Variants in PRKG2 observed in about 807,000 individuals in gnomAD.
PRKG2 encodes the protein cGMP-dependent protein kinase 2.
PRKG2 carries 33 observed loss-of-function variants against 97.2 expected under a neutral mutation model. The ratio of observed to expected loss-of-function variants is 0.34; its 90% confidence interval spans 0.26 to 0.45. The LOEUF (loss-of-function observed/expected upper bound fraction) is 0.45. Among genes scored for constraint, PRKG2 ranks in the 20% least tolerant of loss-of-function variants. The probability of loss-of-function intolerance (pLI) is 1.00; values close to 1 mark genes in which losing one functional copy is unlikely to be tolerated. For missense variants in PRKG2, 638 were observed against 900.0 expected (o/e 0.71, Z 3.73); for synonymous variants, 330 against 321.8 (o/e 1.03, Z -0.27).
intron 15 of PRKG2, among the ~76,000 whole-genome samples, chr4:81,109,583 C>T (rs1030321700): frequency 9.1e-6 from 1 of 110,492 alleles, no homozygotes; most frequent in Non-Finnish European, 1.8e-5. Flanking sequence ...GGACAGGTAG[C>T]TCTCTCACCT....
intron 6 of PRKG2, chr4:81,164,901 A>T (rs937645016): frequency 6.6e-6 from 1 of 152,170 alleles, no homozygotes; most frequent in Non-Finnish European, 1.5e-5. Flanking sequence ...GTAGTTCAGG[A>T]GGATGTCACA....
At chr4:81,155,047 G>T (rs919195198) in intron 6 of PRKG2, among the ~76,000 whole-genome samples, 8 of 150,614 alleles carry the variant, frequency 5.3e-5, no homozygotes, top group Non-Finnish European at 1.0e-4. Context: ...GCGTAGTGGC[G>T]GGCGCCTGTA....
intron 2 of PRKG2, among the ~76,000 whole-genome samples, chr4:81,191,371 G>A (rs1329312443): frequency 6.6e-6 from 1 of 152,078 alleles, no homozygotes; most frequent in Non-Finnish European, 1.5e-5. Context: ...CTCATAAGTG[G>A]GAGATGAACA....
chr4:81,089,528 A>G lies in PRKG2; in HGVS notation c.*180T>C, dbSNP rs1741341169. The G allele has an allele frequency of 2.1e-6, 1 of 484,624 alleles. No individual in the cohort carries two copies. Among genetic ancestry groups the G allele is most frequent in the Non-Finnish European group, 3.6e-6 (1 of 276,650 alleles). The allele number at this position is 484,624 out of a possible 1,614,324, so 30.0% of individuals were successfully genotyped here. On this transcript the variant is annotated 3_prime_UTR_variant, in exon 19 of 19. Coordinates refer to ENST00000264399, the MANE Select transcript of PRKG2 (RefSeq NM_006259.3). ...CATCAATAATTCACAGCATCTAAAT[A>G]AGACACTATAACTCAGAACCATATC...
At chr4:81,172,597 T>A (rs1200048141) in intron 3 of PRKG2, among the ~76,000 whole-genome samples, 2 of 152,174 alleles carry the variant, frequency 1.3e-5, no homozygotes, top group Non-Finnish European at 2.9e-5. Context: ...ATTTTTCTTT[T>A]TTTGCCTTGG....
intron 6 of PRKG2, among the ~76,000 whole-genome samples, chr4:81,164,475 G>A (rs1078980): frequency 0.39 from 59,168 of 151,974 alleles, 17,622 homozygotes; most frequent in African/African-American, 0.82. Flanking sequence ...TGGTTTATGC[G>A]AGTGTTGGTA....
chr4:81,130,213 T>C (rs1746031858), intron 14 of PRKG2, among the ~76,000 whole-genome samples: 3 of 152,220 alleles, frequency 2.0e-5, no homozygotes, highest in Admixed American at 2.0e-4. Context: ...ATGTTGATGC[T>C]ATTCCTTTCT....
chr4:81,151,552 G>A (rs900040573), intron 8 of PRKG2, among the ~76,000 whole-genome samples: 32 of 151,842 alleles, frequency 2.1e-4, no homozygotes, highest in African/African-American at 7.7e-4. Flanking sequence ...AAATACTTTT[G>A]ACCTGATGAT....
At chr4:81,215,993 C>T (rs1441692609), upstream of PRKG2, among the ~76,000 whole-genome samples, 1 of 151,926 alleles carries the variant, frequency 6.6e-6, no homozygotes, top group Non-Finnish European at 1.5e-5. Context: ...GGCTTTTTCC[C>T]TTTCCTTCTG....
chr4:81,156,020 A>G (rs1749056478), intron 6 of PRKG2, among the ~76,000 whole-genome samples: 1 of 152,188 alleles, frequency 6.6e-6, no homozygotes, highest in African/African-American at 2.4e-5. Context: ...AACTGTATCA[A>G]CTAACGAGCA....
intron 14 of PRKG2, among the ~76,000 whole-genome samples, chr4:81,119,663 T>C (rs763145275): frequency 6.6e-6 from 1 of 151,670 alleles, no homozygotes; most frequent in South Asian, 2.1e-4. Context: ...GAGATTTTGA[T>C]TGAAACTGAA....
intron 2 of PRKG2, among the ~76,000 whole-genome samples, chr4:81,198,514 GC>G (rs1443567203): frequency 6.6e-6 from 1 of 151,236 alleles, no homozygotes; most frequent in Non-Finnish European, 1.5e-5. Context: ...CACAAAAATA[GC>G]CCCCAGCCTG....
Position 81,088,883 on chromosome 4 carries a change from C to T in PRKG2, c.*825G>A, listed in dbSNP as rs1741295533. 1 of 152,142 alleles carries T rather than the reference C, an allele frequency of 6.6e-6. No homozygotes were observed. The highest frequency in any genetic ancestry group is 1.5e-5 in the Non-Finnish European group (1 of 68,006). 9.4% of individuals were successfully genotyped at this position (152,142 alleles called of 1,614,324 possible). On this transcript the variant is annotated 3_prime_UTR_variant, in exon 19 of 19. Coordinates refer to ENST00000264399, the MANE Select transcript of PRKG2 (RefSeq NM_006259.3). ...TTTCTATTTACTGGGAGGCAAAAGCCTTCGCAATTTTGTTCCAGCACGTTT... is the reference window on the plus strand; with the variant it reads ...TTTCTATTTACTGGGAGGCAAAAGCTTTCGCAATTTTGTTCCAGCACGTTT...
At chr4:81,172,610 G>A (rs1750585299) in intron 3 of PRKG2, among the ~76,000 whole-genome samples, 1 of 152,110 alleles carries the variant, frequency 6.6e-6, no homozygotes, top group Non-Finnish European at 1.5e-5. Flanking sequence ...TGCCTTGGCA[G>A]CTTTACTCTT....
intron 13 of PRKG2, 141 bp downstream of exon 13, chr4:81,137,252 A>C: frequency 3.0e-6 from 2 of 669,594 alleles, no homozygotes; most frequent in Non-Finnish European, 5.2e-6. Flanking sequence ...AGCATTAGCC[A>C]AGACAATATC....
At chr4:81,217,498 G>A (rs545492046), upstream of PRKG2, among the ~76,000 whole-genome samples, 83 of 152,268 alleles carry the variant, frequency 5.5e-4, no homozygotes, top group Middle Eastern at 3.4e-3. Context: ...GGAAGAGAAG[G>A]AAAGTGACCA....
In PRKG2 at chr4:81,125,889, T is replaced by C. The variant is rs541446389; in HGVS notation, c.1776+9266A>G. The stretch of plus-strand genomic sequence containing the variant: ...TTCTTTTGTGAAGTGTTTTTTTTAA[T>C]AGATACACTTTAAGTTCTGGGATAC... On this transcript the variant is annotated intron_variant, in intron 14 of 18. Coordinates refer to ENST00000264399, the MANE Select transcript of PRKG2 (RefSeq NM_006259.3). Among the ~76,000 whole-genome samples, 19 of 152,318 alleles carry C rather than the reference T, an allele frequency of 1.2e-4. No individual in the cohort carries two copies. In the South Asian group the frequency reaches 3.7e-3, roughly 30 times the overall value.
At chr4:81,092,876 A>G (rs1186665474) in intron 17 of PRKG2, among the ~76,000 whole-genome samples, 8 of 152,084 alleles carry the variant, frequency 5.3e-5, no homozygotes, top group African/African-American at 1.9e-4. Context: ...CATTCTATCT[A>G]TATTCAGTAT....
In PRKG2 at chr4:81,161,869, G is replaced by T. The variant is rs544519459; in HGVS notation, c.912+5292C>A. ...CCCAAACTTTAAGCATACCATTAAA[G>T]TCCCTTTTGCCATGTAATATAACAT... On this transcript the variant is annotated intron_variant, in intron 6 of 18. Transcript: ENST00000264399. Among the ~76,000 whole-genome samples, 51 of 150,960 alleles carry T rather than the reference G, an allele frequency of 3.4e-4. No homozygotes were observed. The Middle Eastern group carries it at 0.038, about 112-fold the overall frequency.
Sources: gnomAD v4.1 joint callset for allele counts (sites outside exome capture counted in the v4.1 genomes callset) on GRCh38, gnomAD v4.1.1 for gene constraint, MANE v1.5 for transcripts, NCBI Gene and HGNC (gene_info 2026-07-23, HGNC 2026-07-21) for gene names.